Variants in AGPAT5 observed in about 807,000 individuals in gnomAD.
AGPAT5 encodes the protein 1-acylglycerol-3-phosphate O-acyltransferase 5.
In AGPAT5, 46 loss-of-function variants were observed where a neutral mutation model predicts 45.6. The ratio of observed to expected loss-of-function variants is 1.01; its 90% CI spans 0.80 to 1.29. AGPAT5 has a LOEUF of 1.29. Ranked by LOEUF, AGPAT5 falls within the 50% of genes most tolerant of loss-of-function variation. The probability of loss-of-function intolerance (pLI) is 0.00; values close to 1 mark genes in which losing one functional copy is unlikely to be tolerated. For synonymous variants in AGPAT5, 272 were observed against 167.0 expected (o/e 1.63, Z -4.85); for missense variants, 673 against 450.7 (o/e 1.49, Z -4.47).
At chr8:6,724,732 C>T (rs1800626795) in intron 1 of AGPAT5, 138 bp from the exon 2 acceptor site, 2 of 316,566 alleles carry the variant, frequency 6.3e-6, no homozygotes. Flanking sequence ...TCTGAGGCTC[C>T]TGTGAGAAAT....
At chr8:6,752,757 C>G (rs547319403) in intron 6 of AGPAT5, among the ~76,000 whole-genome samples, 3 of 152,304 alleles carry the variant, frequency 2.0e-5, no homozygotes, top group East Asian at 1.9e-4. Flanking sequence ...ACTCATGTAA[C>G]ATGAACTATC....
chr8:6,722,914 C>T (rs910974558), intron 1 of AGPAT5, among the ~76,000 whole-genome samples: 2 of 151,918 alleles, frequency 1.3e-5, no homozygotes, highest in African/African-American at 2.4e-5. Flanking sequence ...TCATAATGAA[C>T]TTAAAATTAC....
At chr8:6,739,182 C>T (rs1419394472) in intron 4 of AGPAT5, among the ~76,000 whole-genome samples, 1 of 152,058 alleles carries the variant, frequency 6.6e-6, no homozygotes, top group Admixed American at 6.6e-5. Flanking sequence ...ACCATACTGT[C>T]TTAATAATGC....
chr8:6,757,476 T>A lies in AGPAT5; in HGVS notation c.*88T>A. 2 of 1,022,648 alleles carry A rather than the reference T, an allele frequency of 2.0e-6. No individual in the cohort carries two copies. The highest frequency in any genetic ancestry group is 3.0e-6 in the Non-Finnish European group (2 of 673,164). The allele number at this position is 1,022,648 out of a possible 1,614,324, so 63.3% of individuals were successfully genotyped here. A position where few individuals can be genotyped will look rare whatever the true frequency, so the allele number is the denominator to read the frequency against. ...ACATCAAATTGTTTCCTGAATTTAT[T>A]AAGGAGTGTAAATAAAGCCTTGTTG... On this transcript the variant is annotated 3_prime_UTR_variant, in exon 8 of 8. Coordinates refer to ENST00000285518, the MANE Select transcript of AGPAT5 (RefSeq NM_018361.5).
At chr8:6,715,429 A>T (rs1800289856) in intron 1 of AGPAT5, among the ~76,000 whole-genome samples, 1 of 152,182 alleles carries the variant, frequency 6.6e-6, no homozygotes, top group Admixed American at 6.5e-5. Flanking sequence ...TTGAATGTGG[A>T]GGAAAAAGAA....
chr8:6,712,781 A>G (rs1800195456), intron 1 of AGPAT5, among the ~76,000 whole-genome samples: 1 of 152,244 alleles, frequency 6.6e-6, no homozygotes, highest in South Asian at 2.1e-4. Context: ...TAGCTGCATA[A>G]ACAATAACTG....
At chr8:6,717,160 C>T (rs902234290) in intron 1 of AGPAT5, among the ~76,000 whole-genome samples, 3 of 152,180 alleles carry the variant, frequency 2.0e-5, no homozygotes, top group Non-Finnish European at 4.4e-5. Flanking sequence ...GAATCAAAAC[C>T]AGTACTTTTT....
intron 6 of AGPAT5, among the ~76,000 whole-genome samples, chr8:6,751,354 A>G (rs1026409533): frequency 9.9e-5 from 15 of 152,204 alleles, no homozygotes; most frequent in Non-Finnish European, 1.5e-4. Flanking sequence ...GTGTTTCTCA[A>G]AGCATTCTGG....
At chr8:6,737,140 G>T (rs892958147) in intron 4 of AGPAT5, among the ~76,000 whole-genome samples, 1 of 152,174 alleles carries the variant, frequency 6.6e-6, no homozygotes, top group Non-Finnish European at 1.5e-5. Context: ...TATGTTCCTA[G>T]CGCAGTGTGG....
intron 1 of AGPAT5, among the ~76,000 whole-genome samples, chr8:6,723,142 A>G (rs986292627): frequency 1.3e-5 from 2 of 152,200 alleles, no homozygotes; most frequent in Non-Finnish European, 2.9e-5. Flanking sequence ...AAAATGAGGT[A>G]TAGCTTTGCC....
chr8:6,713,450 C>T (rs1273663927), intron 1 of AGPAT5, among the ~76,000 whole-genome samples: 1 of 152,158 alleles, frequency 6.6e-6, no homozygotes. Flanking sequence ...AACAGGTTTT[C>T]AGTTGACCTG....
chr8:6,728,480 G>A (rs561037991), intron 2 of AGPAT5, among the ~76,000 whole-genome samples: 1 of 152,336 alleles, frequency 6.6e-6, no homozygotes, highest in East Asian at 1.9e-4. Context: ...TCAAGTTTAA[G>A]GGCATAGCCC....
Position 6,741,742 on chromosome 8 carries a change from G to A in AGPAT5, c.577G>A (p.Ala193Thr), listed in dbSNP as rs752609216. 2 of 1,610,834 alleles carry A rather than the reference G, an allele frequency of 1.2e-6. No homozygotes were observed. Among genetic ancestry groups the A allele is most frequent in the Admixed American group, 1.7e-5 (1 of 59,764 alleles). Residue 193 changes from alanine (A) to threonine (T), a missense_variant, in exon 5 of 8, where the codon GCC (alanine) becomes ACC (threonine). Coordinates refer to ENST00000285518, the MANE Select transcript of AGPAT5 (RefSeq NM_018361.5). ...CCTTTCAGCTAGTCAGGCATTTGCT[G>A]CCCAACGTGGTAAGTAAAAATTTGA... ...KVLSASQAFA[A>T]QRGLAVLKHV...
intron 6 of AGPAT5, among the ~76,000 whole-genome samples, chr8:6,751,594 T>C (rs1253129228): frequency 6.6e-6 from 1 of 152,244 alleles, no homozygotes; most frequent in Non-Finnish European, 1.5e-5. Flanking sequence ...GTAAGTTTCA[T>C]TTTAAGGGAG....
intron 1 of AGPAT5, among the ~76,000 whole-genome samples, chr8:6,721,303 CAT>C (rs1183620078): frequency 6.6e-6 from 1 of 152,144 alleles, no homozygotes; most frequent in Non-Finnish European, 1.5e-5. Flanking sequence ...TATATGTAAT[CAT>C]ATTGAAATTG....
chr8:6,751,432 G>A (rs933240856), intron 6 of AGPAT5, among the ~76,000 whole-genome samples: 1 of 152,196 alleles, frequency 6.6e-6, no homozygotes, highest in East Asian at 1.9e-4. Flanking sequence ...TCCACTCCAC[G>A]TTGCTACCAG....
At position 6,747,630 on chromosome 8, in the gene AGPAT5, T is replaced by G. The variant is rs771354850; in HGVS notation, c.587-40T>G. ...TGTTAAACAGTATATTGTGGAGGTG[T>G]TTTGTAACTAATTAATGACGGCACT... On this transcript the variant is annotated intron_variant, in intron 5 of 7. Transcript: ENST00000285518. 14 of 1,579,230 alleles carry G rather than the reference T, an allele frequency of 8.9e-6. No individual in the cohort carries two copies. In the East Asian group the frequency reaches 3.1e-4, roughly 35 times the overall value.
intron 2 of AGPAT5, among the ~76,000 whole-genome samples, chr8:6,726,051 T>G (rs1351798850): frequency 6.6e-6 from 1 of 152,254 alleles, no homozygotes; most frequent in Non-Finnish European, 1.5e-5. Context: ...ATAGGAATCT[T>G]GATGTATCTG....
In AGPAT5 at chr8:6,753,887, G is replaced by A. The variant is rs369472107; in HGVS notation, c.746-1164G>A. On this transcript the variant is annotated intron_variant, in intron 6 of 7. Coordinates refer to ENST00000285518, the MANE Select transcript of AGPAT5 (RefSeq NM_018361.5). ...ACCTAAATGCTGCATGTTACTAAGA[G>A]CTCGACACTGAAGTCAAGAAGAGCA... is the stretch of plus-strand genomic sequence containing the variant. 1.2e-4 allele frequency among the ~76,000 whole-genome samples: 19 copies of A among 152,302 alleles called. No individual in the cohort carries two copies. The East Asian group carries it at 1.9e-3, about 15-fold the overall frequency.
Sources: gnomAD v4.1 joint callset for allele counts (sites outside exome capture counted in the v4.1 genomes callset) on GRCh38, gnomAD v4.1.1 for gene constraint, MANE v1.5 for transcripts, NCBI Gene and HGNC (gene_info 2026-07-23, HGNC 2026-07-21) for gene names.